Variants in MZT2B observed in about 807,000 individuals in gnomAD.
MZT2B encodes mitotic spindle organizing protein 2B, also known as mitotic-spindle organizing protein 2B.
MZT2B carries 11 observed loss-of-function variants against 12.1 expected under a neutral mutation model. The ratio of observed to expected loss-of-function variants is 0.91; its 90% confidence interval spans 0.57 to 1.50. The LOEUF is 1.50. MZT2B is among the 40% of genes most tolerant of loss of function. The pLI is 0.00. For synonymous variants in MZT2B, 85 were observed against 109.5 expected, an observed-to-expected ratio of 0.78 and a Z score of 1.40; for missense variants, 209 against 227.7, an observed-to-expected ratio of 0.92 and a Z score of 0.53.
the MZT2B span, among the ~76,000 whole-genome samples, chr2:130,201,219 G>A: frequency 1.2e-4 from 18 of 152,326 alleles, no homozygotes; most frequent in East Asian, 3.1e-3. Flanking sequence ...GAGTTCTGCC[G>A]ACAGCTGGGA....
intron 2 of MZT2B, chr2:130,183,296 A>G (rs1407122090): frequency 3.7e-6 from 1 of 272,728 alleles, no homozygotes; most frequent in African/African-American, 2.2e-5. Context: ...TCCTGCCTTT[A>G]CCCCACCTGG....
Position 130,182,677 on chromosome 2 carries a change from A to C in MZT2B, c.221A>C (p.Gln74Pro). 1 of 1,554,496 alleles carries C rather than the reference A, an allele frequency of 6.4e-7. No individual in the cohort carries two copies. The highest frequency in any genetic ancestry group is 8.7e-7 in the Non-Finnish European group (1 of 1,149,850). The part of the protein sequence containing the change: ...KLNVAPLAVF[Q>P]MLKSMCAGQR... Reference sequence around the variant, plus strand: ...AACGTGGCCCCCCTCGCCGTCTTCCAGATGCTCAAGTCCATGTGTGCCGGG... The same window carrying C: ...AACGTGGCCCCCCTCGCCGTCTTCCCGATGCTCAAGTCCATGTGTGCCGGG... The change falls in exon 2 of 3, where the codon CAG (glutamine) becomes CCG (proline). Residue 74 changes from glutamine to proline, a missense_variant. By Grantham distance (76) the Gln-to-Pro change is moderately conservative (BLOSUM62 -1). Transcript: ENST00000281871.
intron 2 of MZT2B, chr2:130,184,972 C>T (rs1222851909): frequency 6.3e-6 from 5 of 791,488 alleles, no homozygotes; most frequent in African/African-American, 1.9e-5. Context: ...CAAGACCAGC[C>T]TGGGCAACAT....
At chr2:130,200,077 C>T in the MZT2B span, among the ~76,000 whole-genome samples, 1 of 149,660 alleles carries the variant, frequency 6.7e-6, no homozygotes, top group African/African-American at 2.5e-5. Flanking sequence ...GCCTGGGCAA[C>T]AGAGTAAAAC....
chr2:130,194,468 T>G (rs1453668600), downstream of MZT2B: 1 of 1,536,512 alleles, frequency 6.5e-7, no homozygotes, highest in South Asian at 1.3e-5. Context: ...CAGATCCGCC[T>G]GAGAGAAACC....
the MZT2B span, chr2:130,196,473 A>G: frequency 2.0e-6 from 3 of 1,471,956 alleles, no homozygotes; most frequent in African/African-American, 1.4e-5. Flanking sequence ...GTGCTTCAGT[A>G]TCTGGCGCTT....
chr2:130,186,157 G>A (rs1327425875), intron 2 of MZT2B, among the ~76,000 whole-genome samples: 3 of 152,110 alleles, frequency 2.0e-5, no homozygotes, highest in Non-Finnish European at 2.9e-5. Context: ...TTGTTGGAGT[G>A]ATCCGGCTGG....
At chr2:130,195,798 C>T in the MZT2B span, among the ~76,000 whole-genome samples, 1 of 152,232 alleles carries the variant, frequency 6.6e-6, no homozygotes, top group African/African-American at 2.4e-5. Flanking sequence ...TCAAGACTCT[C>T]GTGCACCAGC....
chr2:130,192,965 G>T (rs368379290), downstream of MZT2B, among the ~76,000 whole-genome samples: 15 of 152,090 alleles, frequency 9.9e-5, no homozygotes, highest in Non-Finnish European at 1.3e-4. Flanking sequence ...GTGGTGGCAG[G>T]TGCCTGTAAT....
chr2:130,203,403 C>T, the MZT2B span, among the ~76,000 whole-genome samples: 1 of 152,038 alleles, frequency 6.6e-6, no homozygotes, highest in African/African-American at 2.4e-5. Context: ...CTCCAGGTCT[C>T]GTCACTTCCA....
intron 2 of MZT2B, chr2:130,183,582 C>G (rs1215466283): frequency 8.6e-6 from 7 of 817,050 alleles, no homozygotes; most frequent in African/African-American, 5.1e-5. Context: ...GGAAGAAGGC[C>G]CAGAGCTGGC....
chr2:130,204,595 G>T, the MZT2B span, among the ~76,000 whole-genome samples: 5 of 151,156 alleles, frequency 3.3e-5, no homozygotes, highest in Non-Finnish European at 5.9e-5. Flanking sequence ...GGAGGCTGAA[G>T]CAGGAGAATT....
chr2:130,187,724 C>A (rs930488386), intron 2 of MZT2B, among the ~76,000 whole-genome samples: 1 of 152,168 alleles, frequency 6.6e-6, no homozygotes, highest in Admixed American at 6.5e-5. Flanking sequence ...CTATTCTGGG[C>A]CTTCTCATCC....
chr2:130,182,463 C>A lies in MZT2B; in HGVS notation c.170+11C>A. 5 of 1,546,292 alleles carry A rather than the reference C, an allele frequency of 3.2e-6. No homozygotes were observed. Among genetic ancestry groups the A allele is most frequent in the Non-Finnish European group, 4.4e-6 (5 of 1,146,292 alleles). On this transcript the variant is annotated intron_variant, in intron 1 of 2. Coordinates refer to ENST00000281871, the MANE Select transcript of MZT2B (RefSeq NM_025029.5). ...CCCCGACGTGTTCAAGTGAGCGGGG[C>A]GGGTGGGGGCCGCATGCTAGCCAGA...
intron 2 of MZT2B, among the ~76,000 whole-genome samples, chr2:130,186,867 C>T (rs1180905407): frequency 6.6e-6 from 1 of 151,440 alleles, no homozygotes; most frequent in Non-Finnish European, 1.5e-5. Context: ...GACTGCACCA[C>T]TGCACTCCAG....
chr2:130,197,532 G>T, the MZT2B span, among the ~76,000 whole-genome samples: 1 of 122,440 alleles, frequency 8.2e-6, no homozygotes, highest in Non-Finnish European at 1.8e-5. Flanking sequence ...AAAAGAAAAA[G>T]AAAGGAAAAA....
chr2:130,188,336 C>T (rs1215806107), intron 2 of MZT2B: 1 of 146,332 alleles, frequency 6.8e-6, no homozygotes, highest in African/African-American at 2.6e-5. Context: ...ACTGTGGCCT[C>T]AGAGGAGGAT....
At chr2:130,194,230 G>A (rs751808468), downstream of MZT2B, 18 of 1,612,350 alleles carry the variant, frequency 1.1e-5, no homozygotes, top group East Asian at 1.6e-4. Flanking sequence ...CTTCATTGTC[G>A]ACCATGAAGG....
At chr2:130,198,275 G>C in the MZT2B span, 1 of 1,319,718 alleles carries the variant, frequency 7.6e-7, no homozygotes, top group South Asian at 1.4e-5. Context: ...CAGCGCCCAG[G>C]CCCGCAACAA....
Sources: gnomAD v4.1 joint callset for allele counts (sites outside exome capture counted in the v4.1 genomes callset) on GRCh38, gnomAD v4.1.1 for gene constraint, MANE v1.5 for transcripts, NCBI Gene and HGNC (gene_info 2026-07-23, HGNC 2026-07-21) for gene names.